DSCAM: variants seen among roughly 807,000 people sequenced by gnomAD.
DSCAM encodes cell adhesion molecule DSCAM.
A neutral mutation model predicts 217.7 loss-of-function variants in DSCAM; 47 were observed. That is an observed-to-expected ratio of 0.22 (90% CI 0.17 to 0.28). The LOEUF (loss-of-function observed/expected upper bound fraction) is 0.28. Ranked by LOEUF, DSCAM falls within the 10% of genes least tolerant of loss-of-function variation. DSCAM has a pLI of 1.00. For synonymous variants in DSCAM, 1,056 were observed against 1,015.3 expected (o/e 1.04, Z -0.76); for missense variants, 2,080 against 2,618.3 (o/e 0.79, Z 4.49).
chr21:40,746,375 C>CAAAAAA (rs3071028), intron 1 of DSCAM, among the ~76,000 whole-genome samples: 1 of 142,042 alleles, frequency 7.0e-6, no homozygotes, highest in African/African-American at 2.6e-5. Flanking sequence ...CAAATTGAAG[C>CAAAAAA]AAAAAAAAAA....
At chr21:40,083,249 C>T (rs1039462466) in intron 24 of DSCAM, among the ~76,000 whole-genome samples, 2 of 152,174 alleles carry the variant, frequency 1.3e-5, no homozygotes, top group African/African-American at 4.8e-5. Flanking sequence ...GCCAACATGG[C>T]AAAACCCCGT....
At chr21:40,264,909 C>T (rs770726378) in intron 11 of DSCAM, among the ~76,000 whole-genome samples, 8 of 152,124 alleles carry the variant, frequency 5.3e-5, no homozygotes, top group East Asian at 1.9e-4. Flanking sequence ...GAATCAAACA[C>T]GATCTCAGGC....
chr21:40,817,891 T>A lies in DSCAM; in HGVS notation c.43+28728A>T, dbSNP rs1440914363. Among the ~76,000 whole-genome samples, 34 of 134,848 alleles carry A rather than the reference T, an allele frequency of 2.5e-4. No homozygotes were observed. The East Asian group carries it at 2.6e-3, about 10-fold the overall frequency. 88.5% of individuals were successfully genotyped at this position (134,848 alleles called of 152,430 possible). ...GCGGGTGGATCATGAGGTCAGGAGA[T>A]CGAGACCATCCTGGCTAACAAGGTG... On this transcript the variant is annotated intron_variant, in intron 1 of 32. Transcript: ENST00000400454.
chr21:40,049,614 T>G (rs1326966880), intron 30 of DSCAM, among the ~76,000 whole-genome samples: 1 of 152,212 alleles, frequency 6.6e-6, no homozygotes, highest in African/African-American at 2.4e-5. Flanking sequence ...ATGGTGTATC[T>G]CCATCATACA....
At chr21:40,231,410 C>CCTAT (rs1447686362) in intron 11 of DSCAM, among the ~76,000 whole-genome samples, 2 of 152,082 alleles carry the variant, frequency 1.3e-5, no homozygotes, top group Non-Finnish European at 2.9e-5. Context: ...CGCTGTGACA[C>CCTAT]CTATCTCCCT....
In DSCAM at chr21:40,134,047, GA is replaced by G. The variant is rs762522529; in HGVS notation, c.3407-39del. On this transcript the variant is annotated intron_variant, in intron 18 of 32. Coordinates refer to ENST00000400454, the MANE Select transcript of DSCAM (RefSeq NM_001389.5). The stretch of plus-strand genomic sequence containing the variant: ...AACAAGAAAACAAAATCCCACTTCT[GA>G]GCCCATTTCTGCTCGTTTTTCCGCA... 8 of 1,582,316 alleles carry G rather than the reference GA, an allele frequency of 5.1e-6. No homozygotes were observed. In the Admixed American group the frequency reaches 1.4e-4, roughly 28 times the overall value.
chr21:40,721,584 TGTC>T, intron 1 of DSCAM, among the ~76,000 whole-genome samples: 1 of 152,184 alleles, frequency 6.6e-6, no homozygotes, highest in Non-Finnish European at 1.5e-5. Context: ...CAGAAGAAAC[TGTC>T]AATGAACCAG....
At position 40,019,106 on chromosome 21, in the gene DSCAM, C is replaced by T. The variant is rs1362156464; in HGVS notation, c.5687-5720G>A. On this transcript the variant is annotated intron_variant, in intron 32 of 32. Transcript: ENST00000400454. The stretch of plus-strand genomic sequence containing the variant: ...CAGGCACTTATGTTCTTTAAAACCC[C>T]AGCCCATGTGCTCATCAACAAAGCC... Among the ~76,000 whole-genome samples the T allele has an allele frequency of 2.0e-5, 3 of 152,354 alleles. No individual in the cohort carries two copies. The South Asian group carries it at 6.2e-4, about 32-fold the overall frequency.
chr21:40,639,898 T>C (rs1490221722), intron 3 of DSCAM, among the ~76,000 whole-genome samples: 1 of 152,200 alleles, frequency 6.6e-6, no homozygotes, highest in Non-Finnish European at 1.5e-5. Flanking sequence ...CAGTTTTTCT[T>C]AATGGGAGGA....
chr21:40,402,675 T>TG (rs2075247482), intron 3 of DSCAM, among the ~76,000 whole-genome samples: 1 of 143,550 alleles, frequency 7.0e-6, no homozygotes, highest in Non-Finnish European at 1.5e-5. Context: ...CTTTTTTATT[T>TG]GTTTTTTTTT....
intron 11 of DSCAM, among the ~76,000 whole-genome samples, chr21:40,232,931 A>G (rs1028594061): frequency 6.6e-6 from 1 of 152,122 alleles, no homozygotes; most frequent in Admixed American, 6.5e-5. Context: ...GAGTATTTAA[A>G]AAGGAAATTA....
intron 3 of DSCAM, among the ~76,000 whole-genome samples, chr21:40,494,641 A>T (rs1031263419): frequency 6.6e-6 from 1 of 152,112 alleles, no homozygotes; most frequent in Non-Finnish European, 1.5e-5. Context: ...TTAACAAAAA[A>T]ACTTTTAAAT....
chr21:40,571,990 T>G (rs2076810019), intron 3 of DSCAM, among the ~76,000 whole-genome samples: 1 of 152,160 alleles, frequency 6.6e-6, no homozygotes, highest in Non-Finnish European at 1.5e-5. Flanking sequence ...AAGTATATAA[T>G]GCAAATGCAA....
intron 1 of DSCAM, among the ~76,000 whole-genome samples, chr21:40,714,790 G>A (rs2090823991): frequency 6.6e-6 from 1 of 152,168 alleles, no homozygotes; most frequent in Non-Finnish European, 1.5e-5. Context: ...CATTTTGTAT[G>A]TTAGAAGTTT....
chr21:40,407,645 T>C (rs747155818), intron 3 of DSCAM, among the ~76,000 whole-genome samples: 1 of 152,138 alleles, frequency 6.6e-6, no homozygotes, highest in Non-Finnish European at 1.5e-5. Context: ...ACAAGGGTCA[T>C]GTGGAAGAGT....
chr21:40,697,230 C>G (rs2090605537), intron 2 of DSCAM, among the ~76,000 whole-genome samples: 2 of 152,164 alleles, frequency 1.3e-5, no homozygotes, highest in South Asian at 4.1e-4. Flanking sequence ...TCATTATATT[C>G]TTGTTGGATG....
At chr21:40,648,063 A>G (rs1218885864) in intron 3 of DSCAM, among the ~76,000 whole-genome samples, 2 of 151,680 alleles carry the variant, frequency 1.3e-5, no homozygotes, top group East Asian at 2.0e-4. Context: ...AAATAGAGAA[A>G]GAAAGCAGTT....
At chr21:40,712,439 C>T (rs1032389558) in intron 1 of DSCAM, among the ~76,000 whole-genome samples, 6 of 134,964 alleles carry the variant, frequency 4.4e-5, no homozygotes, top group East Asian at 2.1e-4. Flanking sequence ...GTCCGCAGTC[C>T]GACCTGGGCG....
chr21:40,449,557 T>C (rs1217362891), intron 3 of DSCAM, among the ~76,000 whole-genome samples: 1 of 152,222 alleles, frequency 6.6e-6, no homozygotes, highest in African/African-American at 2.4e-5. Context: ...AAAAAAGTGA[T>C]TTCAGGAGTC....
Sources: gnomAD v4.1 joint callset for allele counts (sites outside exome capture counted in the v4.1 genomes callset) on GRCh38, gnomAD v4.1.1 for gene constraint, MANE v1.5 for transcripts, NCBI Gene and HGNC (gene_info 2026-07-23, HGNC 2026-07-21) for gene names.